EPB41L2: variants seen among roughly 807,000 people sequenced by gnomAD.
EPB41L2 encodes erythrocyte membrane protein band 4.1 like 2, also known as band 4.1-like protein 2.
A neutral mutation model predicts 113.0 loss-of-function variants in EPB41L2; 43 were observed. The ratio of observed to expected loss-of-function variants is 0.38; its 90% CI spans 0.30 to 0.49. The LOEUF (loss-of-function observed/expected upper bound fraction) is 0.49, where lower values mean the gene tolerates loss of function less well. Among genes scored for constraint, EPB41L2 ranks in the 20% least tolerant of loss-of-function variants. EPB41L2 has a pLI of 0.95. For synonymous variants in EPB41L2, 442 were observed against 436.7 expected (o/e 1.01, Z -0.15); for missense variants, 1,147 against 1,223.4 (o/e 0.94, Z 0.93).
chr6:130,923,043 C>A (rs949551661), intron 4 of EPB41L2, among the ~76,000 whole-genome samples: 2 of 152,180 alleles, frequency 1.3e-5, no homozygotes, highest in African/African-American at 4.8e-5. Context: ...TACCAACCCC[C>A]CAGTCGAGTC....
At position 130,956,016 on chromosome 6, in the gene EPB41L2, G is replaced by A. The variant is rs374125051; in HGVS notation, c.470C>T (p.Ser157Leu). 7 of 1,612,418 alleles carry A rather than the reference G, an allele frequency of 4.3e-6. No individual in the cohort carries two copies. The highest frequency in any genetic ancestry group is 5.9e-6 in the Non-Finnish European group (7 of 1,179,544). Reference protein sequence around the residue: ...KPSVSKEEKPSVSKVEMQPTE... With the variant: ...KPSVSKEEKPLVSKVEMQPTE... Reference sequence around the variant, plus strand: ...TACCTGCATCTCCACTTTGCTCACTGAGGGTTTTTCTTCCTTGCTCACTGA... The same window carrying A: ...TACCTGCATCTCCACTTTGCTCACTAAGGGTTTTTCTTCCTTGCTCACTGA... The change falls in exon 2 of 20, where the codon TCA (serine) becomes TTA (leucine). Residue 157 changes from serine to leucine, a missense_variant. Physicochemically the swap from Ser to Leu is moderately radical, Grantham distance 145. Coordinates refer to ENST00000337057, the MANE Select transcript of EPB41L2 (RefSeq NM_001431.4).
intron 4 of EPB41L2, among the ~76,000 whole-genome samples, chr6:130,923,655 C>A (rs1803635950): frequency 6.6e-6 from 1 of 152,164 alleles, no homozygotes; most frequent in African/African-American, 2.4e-5. Context: ...CTTTTTCCTG[C>A]AGAGTAGTAA....
chr6:130,914,435 G>A (rs546363116), intron 4 of EPB41L2, among the ~76,000 whole-genome samples: 5 of 152,276 alleles, frequency 3.3e-5, no homozygotes, highest in African/African-American at 7.2e-5. Flanking sequence ...ATTCACAGGC[G>A]AGATGACATG....
intron 1 of EPB41L2, among the ~76,000 whole-genome samples, chr6:130,969,059 G>A (rs1776084885): frequency 6.6e-6 from 1 of 152,060 alleles, no homozygotes; most frequent in Non-Finnish European, 1.5e-5. Context: ...CTAAACTATA[G>A]ATCACCAATA....
intron 3 of EPB41L2, among the ~76,000 whole-genome samples, chr6:130,947,027 C>A (rs1364258092): frequency 7.0e-6 from 1 of 143,238 alleles, no homozygotes; most frequent in Non-Finnish European, 1.5e-5. Flanking sequence ...ACCCCCCCCC[C>A]AGCCCCTTAA....
chr6:131,002,858 G>A (rs1050286864), intron 1 of EPB41L2, among the ~76,000 whole-genome samples: 1 of 152,180 alleles, frequency 6.6e-6, no homozygotes, highest in Non-Finnish European at 1.5e-5. Context: ...GTTACAGTTA[G>A]ATGGATTTAA....
chr6:130,898,319 A>G (rs1795257705), intron 8 of EPB41L2, among the ~76,000 whole-genome samples: 1 of 152,210 alleles, frequency 6.6e-6, no homozygotes, highest in Non-Finnish European at 1.5e-5. Flanking sequence ...TGCAAGAATT[A>G]TTAATCAGAG....
At chr6:131,058,972 C>A (rs554105922) in intron 1 of EPB41L2, among the ~76,000 whole-genome samples, 2 of 152,294 alleles carry the variant, frequency 1.3e-5, no homozygotes, top group South Asian at 4.1e-4. Flanking sequence ...GCCAAGATCA[C>A]GTCACTGCAC....
At chr6:130,857,724 T>C (rs1363640909) in intron 19 of EPB41L2, among the ~76,000 whole-genome samples, 3 of 152,074 alleles carry the variant, frequency 2.0e-5, no homozygotes, top group African/African-American at 7.2e-5. Context: ...GCCCATCTCA[T>C]TTTTGTGTTT....
chr6:131,033,255 G>C (rs139438507), intron 1 of EPB41L2, among the ~76,000 whole-genome samples: 2 of 152,146 alleles, frequency 1.3e-5, no homozygotes, highest in African/African-American at 4.8e-5. Context: ...AAGAAGGGAG[G>C]GAGGGAGAAG....
At chr6:131,006,321 T>C (rs1161262353) in intron 1 of EPB41L2, among the ~76,000 whole-genome samples, 1 of 150,660 alleles carries the variant, frequency 6.6e-6, no homozygotes, top group Non-Finnish European at 1.5e-5. Flanking sequence ...CCTCCCAAAG[T>C]GCTGGGATTA....
chr6:130,881,824 A>C (rs760871717), intron 12 of EPB41L2: 8 of 152,198 alleles, frequency 5.3e-5, no homozygotes, highest in Admixed American at 2.0e-4. Flanking sequence ...AAGACAACAG[A>C]ATAGTACCTT....
chr6:130,908,250 T>A (rs1158255574), intron 5 of EPB41L2, among the ~76,000 whole-genome samples: 2 of 152,010 alleles, frequency 1.3e-5, no homozygotes, highest in Non-Finnish European at 2.9e-5. Context: ...GGGGAAGAAA[T>A]GAACAATGAG....
intron 16 of EPB41L2, among the ~76,000 whole-genome samples, chr6:130,867,115 A>T (rs1357926159): frequency 6.6e-6 from 1 of 152,210 alleles, no homozygotes; most frequent in Non-Finnish European, 1.5e-5. Context: ...GAATTATATC[A>T]GATAAACTTT....
Position 131,006,619 on chromosome 6 carries a change from G to A in EPB41L2, c.-14-50120C>T, listed in dbSNP as rs183524800. Among the ~76,000 whole-genome samples the A allele has an allele frequency of 1.3e-3, 106 of 81,146 alleles. 1 individual carries two copies. In the East Asian group the frequency reaches 0.014, roughly 11 times the overall value. 53.2% of individuals were successfully genotyped at this position (81,146 alleles called of 152,430 possible). On this transcript the variant is annotated intron_variant, in intron 1 of 19. Coordinates refer to ENST00000337057, the MANE Select transcript of EPB41L2 (RefSeq NM_001431.4). ...CAGGAGGCAGAGGTTGCAGTGAGCC[G>A]AGATCGCACCACTGAACCCGACTGG...
At chr6:130,965,032 A>T (rs1270341860) in intron 1 of EPB41L2, among the ~76,000 whole-genome samples, 1 of 152,164 alleles carries the variant, frequency 6.6e-6, no homozygotes, top group Non-Finnish European at 1.5e-5. Flanking sequence ...AATTACCACT[A>T]CCTTTTGGGG....
At chr6:130,943,906 G>A (rs560599685) in intron 3 of EPB41L2, among the ~76,000 whole-genome samples, 209 of 152,180 alleles carry the variant, frequency 1.4e-3, no homozygotes, top group African/African-American at 4.7e-3. Context: ...CAGAGCTTCC[G>A]GGAGCCTGCA....
At chr6:131,013,481 G>C (rs933148062) in intron 1 of EPB41L2, 1 of 151,888 alleles carries the variant, frequency 6.6e-6, no homozygotes, top group Non-Finnish European at 1.5e-5. Flanking sequence ...ATTTTCAAGG[G>C]GTTGAGATTA....
At position 130,858,039 on chromosome 6, in the gene EPB41L2, C is replaced by G. The variant is rs994517962; in HGVS notation, c.*5+92G>C. On this transcript the variant is annotated intron_variant, in intron 19 of 19. Transcript: ENST00000337057. ...AGTCAAATGTACTATAGGAAGAAGACACTGATATGAACTTTCATTTCACAT... is the reference window on the plus strand; with the variant it reads ...AGTCAAATGTACTATAGGAAGAAGAGACTGATATGAACTTTCATTTCACAT... The G allele has an allele frequency of 6.3e-5, 62 of 978,054 alleles. No individual in the cohort carries two copies. The African/African-American group carries it at 8.5e-4, about 13-fold the overall frequency. The allele number at this position is 978,054 out of a possible 1,614,324, so 60.6% of individuals were successfully genotyped here.
Sources: allele counts gnomAD v4.1 joint callset (sites outside exome capture counted in the v4.1 genomes callset), GRCh38; gene constraint gnomAD v4.1.1; transcripts MANE v1.5; gene names NCBI Gene and HGNC (gene_info 2026-07-23, HGNC 2026-07-21).